The following PRELID2 variants were observed in gnomAD, a reference collection of about 807,000 sequenced individuals.
The protein encoded by PRELID2 is PRELI domain-containing protein 2.
In PRELID2, 25 loss-of-function variants were observed where a neutral mutation model predicts 28.4. The ratio of observed to expected loss-of-function variants is 0.88; its 90% CI spans 0.64 to 1.23. The LOEUF is 1.23. PRELID2 is among the 50% of genes most tolerant of loss of function. The probability of loss-of-function intolerance (pLI) is 0.00; values close to 1 mark genes in which losing one functional copy is unlikely to be tolerated. For synonymous variants in PRELID2, 76 were observed against 71.6 expected (o/e 1.06, Z -0.31); for missense variants, 201 against 214.4 (o/e 0.94, Z 0.39).
chr5:145,449,684 C>T, the PRELID2 span, among the ~76,000 whole-genome samples: 1 of 152,092 alleles, frequency 6.6e-6, no homozygotes, highest in Non-Finnish European at 1.5e-5. Context: ...TCCCTGTCTC[C>T]TGTCTATATC....
At chr5:145,634,814 A>G (rs1018791523) in intron 1 of PRELID2, among the ~76,000 whole-genome samples, 4 of 152,262 alleles carry the variant, frequency 2.6e-5, no homozygotes, top group Non-Finnish European at 4.4e-5. Flanking sequence ...AAAGGAAGAA[A>G]GGAATCAGCG....
chr5:145,365,708 C>G, the PRELID2 span, among the ~76,000 whole-genome samples: 1 of 151,792 alleles, frequency 6.6e-6, no homozygotes, highest in Admixed American at 6.6e-5. Flanking sequence ...TAATGTGCCT[C>G]CCTCAACCAC....
the PRELID2 span, among the ~76,000 whole-genome samples, chr5:145,258,871 A>C: frequency 5.9e-5 from 9 of 152,162 alleles, no homozygotes; most frequent in Non-Finnish European, 1.0e-4. Context: ...CCTTCAGGCC[A>C]GCCCCTCCTA....
chr5:145,528,559 G>A (rs1752627735), intron 1 of PRELID2, among the ~76,000 whole-genome samples: 1 of 151,834 alleles, frequency 6.6e-6, no homozygotes, highest in African/African-American at 2.4e-5. Flanking sequence ...CTCATCTCAA[G>A]TTTTTATCAC....
intron 1 of PRELID2, among the ~76,000 whole-genome samples, chr5:145,525,588 G>A (rs766152905): frequency 6.6e-6 from 1 of 152,128 alleles, no homozygotes; most frequent in Non-Finnish European, 1.5e-5. Flanking sequence ...CAGTTACCAT[G>A]AGACAGTTTT....
chr5:145,619,714 C>G (rs1014374289), intron 1 of PRELID2, among the ~76,000 whole-genome samples: 1 of 152,190 alleles, frequency 6.6e-6, no homozygotes, highest in Admixed American at 6.5e-5. Flanking sequence ...TCTAGCCCTG[C>G]CTCGCATCCA....
chr5:145,354,739 G>C, the PRELID2 span, among the ~76,000 whole-genome samples: 1 of 152,140 alleles, frequency 6.6e-6, no homozygotes, highest in Non-Finnish European at 1.5e-5. Context: ...ATGTCAGAGA[G>C]AGGAGTAGAT....
chr5:145,511,455 A>T (rs1340310282), intron 1 of PRELID2, among the ~76,000 whole-genome samples: 2 of 152,210 alleles, frequency 1.3e-5, no homozygotes, highest in Non-Finnish European at 2.9e-5. Context: ...CTGAAAAGCT[A>T]ATGTATTCAC....
chr5:145,528,620 T>G (rs1372911884), intron 1 of PRELID2, among the ~76,000 whole-genome samples: 1 of 151,276 alleles, frequency 6.6e-6, no homozygotes, highest in African/African-American at 2.4e-5. Flanking sequence ...ACTGGTATAC[T>G]TGACAAATAA....
intron 5 of PRELID2, among the ~76,000 whole-genome samples, chr5:145,788,816 G>A (rs926050192): frequency 6.6e-6 from 1 of 152,050 alleles, no homozygotes; most frequent in Non-Finnish European, 1.5e-5. Flanking sequence ...CAGTTAAGTT[G>A]CAGGATACAA....
At chr5:145,313,670 C>T in the PRELID2 span, among the ~76,000 whole-genome samples, 15 of 152,092 alleles carry the variant, frequency 9.9e-5, no homozygotes, top group Admixed American at 5.9e-4. Flanking sequence ...TCGTAGGAGG[C>T]GGCGCAATTC....
At chr5:145,685,894 TCTC>T (rs1755028385) in intron 1 of PRELID2, among the ~76,000 whole-genome samples, 1 of 152,100 alleles carries the variant, frequency 6.6e-6, no homozygotes, top group Non-Finnish European at 1.5e-5. Context: ...CTGTGAGGAA[TCTC>T]CTCCAAGATT....
intron 1 of PRELID2, chr5:145,729,028 A>G (rs1000103232): frequency 1.9e-5 from 13 of 668,496 alleles, no homozygotes; most frequent in African/African-American, 5.4e-5. Context: ...ACATTGGGAG[A>G]TAATGTGAAA....
At chr5:145,829,416 G>A (rs969756550) in intron 1 of PRELID2, among the ~76,000 whole-genome samples, 1 of 152,134 alleles carries the variant, frequency 6.6e-6, no homozygotes, top group Admixed American at 6.5e-5. Flanking sequence ...TGAAATAAAT[G>A]CAACAAATTA....
intron 1 of PRELID2, among the ~76,000 whole-genome samples, chr5:145,636,444 C>A (rs571414083): frequency 6.6e-6 from 1 of 152,188 alleles, no homozygotes; most frequent in African/African-American, 2.4e-5. Context: ...ACAAAGAGAG[C>A]CCCAGGCACA....
At chr5:145,424,205 C>T in the PRELID2 span, among the ~76,000 whole-genome samples, 3 of 152,010 alleles carry the variant, frequency 2.0e-5, no homozygotes, top group Admixed American at 1.3e-4. Context: ...CTGTGCCCTG[C>T]CCCCAGAGGT....
chr5:145,541,040 G>C (rs1346968744), intron 1 of PRELID2, among the ~76,000 whole-genome samples: 2 of 151,984 alleles, frequency 1.3e-5, no homozygotes, highest in African/African-American at 4.8e-5. Context: ...AATGAACCAA[G>C]TTGTCAAAAG....
intron 4 of PRELID2, among the ~76,000 whole-genome samples, chr5:145,816,555 A>G (rs2149855710): frequency 6.6e-6 from 1 of 152,312 alleles, no homozygotes; most frequent in South Asian, 2.1e-4. Context: ...AGTGTCTTAT[A>G]GTTTTAACTC....
At chr5:145,642,533 G>C (rs1754124817) in intron 1 of PRELID2, among the ~76,000 whole-genome samples, 1 of 152,128 alleles carries the variant, frequency 6.6e-6, no homozygotes, top group African/African-American at 2.4e-5. Context: ...GATCTCATTT[G>C]TCAATTTTGG....
Sources: allele counts gnomAD v4.1 joint callset (sites outside exome capture counted in the v4.1 genomes callset), GRCh38; gene constraint gnomAD v4.1.1; transcripts MANE v1.5; gene names NCBI Gene and HGNC (gene_info 2026-07-23, HGNC 2026-07-21).